TSHZ2: variants seen among roughly 807,000 people sequenced by gnomAD.
The protein encoded by TSHZ2 is teashirt homolog 2.
In TSHZ2, 21 loss-of-function variants were observed where a neutral mutation model predicts 74.4. The observed-to-expected ratio is 0.28, with a 90% CI of 0.20 to 0.41. TSHZ2 has a LOEUF of 0.41. Ranked by LOEUF, TSHZ2 falls within the 10% of genes least tolerant of loss-of-function variation. The pLI, the probability that TSHZ2 is intolerant of heterozygous loss-of-function variation, is 1.00. For synonymous variants in TSHZ2, 540 were observed against 515.3 expected, an observed-to-expected ratio of 1.05 and a Z score of -0.65; for missense variants, 1,244 against 1,293.5, an observed-to-expected ratio of 0.96 and a Z score of 0.59.
chr20:53,251,399 TC>T (rs1257169411), intron 1 of TSHZ2, among the ~76,000 whole-genome samples: 2 of 152,244 alleles, frequency 1.3e-5, no homozygotes, highest in African/African-American at 4.8e-5. Flanking sequence ...GAATGGTATA[TC>T]TATTTTTTGC....
chr20:53,247,120 G>A (rs1319897994), intron 1 of TSHZ2, among the ~76,000 whole-genome samples: 1 of 152,236 alleles, frequency 6.6e-6, no homozygotes, highest in African/African-American at 2.4e-5. Context: ...TTCAGACAGA[G>A]GAGGGAGCAA....
At chr20:53,369,712 A>T (rs751155432) in intron 2 of TSHZ2, among the ~76,000 whole-genome samples, 23 of 152,204 alleles carry the variant, frequency 1.5e-4, no homozygotes, top group Non-Finnish European at 3.1e-4. Flanking sequence ...CTCTGTCTCA[A>T]AAAAAAGAAA....
At chr20:53,463,417 AGGAAGGAAGGAAGGAAGGAGGGAGGGAG>A (rs1985451002) in intron 2 of TSHZ2, among the ~76,000 whole-genome samples, 2 of 125,780 alleles carry the variant, frequency 1.6e-5, no homozygotes, top group African/African-American at 3.2e-5. Context: ...GAAGGAAGGA[AGGAAGGAAGGAAGGAAGGAGGGAGGGAG>A]GGAAGGAAGG....
intron 1 of TSHZ2, among the ~76,000 whole-genome samples, chr20:53,020,581 A>T (rs1247939313): frequency 1.3e-5 from 2 of 152,180 alleles, no homozygotes; most frequent in East Asian, 3.9e-4. Context: ...AATACTGGTC[A>T]CATTCCAATT....
chr20:53,323,486 G>A (rs1266062844), intron 2 of TSHZ2, among the ~76,000 whole-genome samples: 1 of 147,030 alleles, frequency 6.8e-6, no homozygotes, highest in Non-Finnish European at 1.5e-5. Context: ...AAATAAATAA[G>A]TGAAAGGATG....
At chr20:53,131,644 A>C (rs1217972803) in intron 1 of TSHZ2, among the ~76,000 whole-genome samples, 2 of 152,130 alleles carry the variant, frequency 1.3e-5, no homozygotes, top group Non-Finnish European at 2.9e-5. Context: ...TTTTCTAAGA[A>C]GTATCTTTAG....
chr20:53,001,200 A>ATG (rs1600639040), intron 1 of TSHZ2, among the ~76,000 whole-genome samples: 2 of 54,376 alleles, frequency 3.7e-5, no homozygotes, highest in South Asian at 7.5e-4. Context: ...GTGTGCGTTC[A>ATG]TGTGCGTGTG....
At position 53,256,690 on chromosome 20, in the gene TSHZ2, A is replaced by C; in HGVS notation, c.*8+119A>C. On this transcript the variant is annotated intron_variant, in intron 2 of 2. Transcript: ENST00000371497. This position sits in a 1 kb window ranked among gnomAD's most constrained non-coding sequence, Gnocchi z 4.3. ...GCCAAGCAGGATAGTAGCTTGCTGG[A>C]GTAGGATTTATTTTAATGAAAGACC... The C allele has an allele frequency of 7.1e-7, 1 of 1,410,954 alleles. No homozygotes were observed. 87.4% of individuals were successfully genotyped at this position (1,410,954 alleles called of 1,614,324 possible). A position where few individuals can be genotyped will look rare whatever the true frequency, so the allele number is the denominator to read the frequency against.
intron 1 of TSHZ2, among the ~76,000 whole-genome samples, chr20:53,186,085 A>G (rs1035837091): frequency 2.0e-5 from 3 of 152,166 alleles, no homozygotes; most frequent in Admixed American, 6.5e-5. Flanking sequence ...GCTTCTCCCT[A>G]TCACACGCTC....
At position 53,489,230 on chromosome 20, in the gene TSHZ2, T is replaced by A. The variant is rs1396839165; in HGVS notation, c.*2095T>A. 2.2e-6 allele frequency: 1 copy of A among 455,224 alleles called. No homozygotes were observed. The highest frequency in any genetic ancestry group is 1.6e-5 in the South Asian group (1 of 64,514). 28.2% of individuals were successfully genotyped at this position (455,224 alleles called of 1,614,324 possible). Reference sequence around the variant, plus strand: ...AGCAAGGTGCTGATATTATTTTTTATGATGGGAGGATCATAAAGTGAATTG... The same window carrying A: ...AGCAAGGTGCTGATATTATTTTTTAAGATGGGAGGATCATAAAGTGAATTG... On this transcript the variant is annotated 3_prime_UTR_variant, in exon 3 of 3. Transcript: ENST00000371497.
intron 1 of TSHZ2, among the ~76,000 whole-genome samples, chr20:53,040,404 T>C (rs1258343504): frequency 1.3e-5 from 2 of 152,178 alleles, no homozygotes; most frequent in East Asian, 1.9e-4. Flanking sequence ...TTGTGGGCTG[T>C]GCTAAATATC....
In TSHZ2 at chr20:53,074,469, A is replaced by G. The variant is rs919223711; in HGVS notation, c.40+101136A>G. ...GATGGATGCAGTACGAAGTGTAGAAATCCAACAAATGTGTAAAAGGTAAAG... is the reference window on the plus strand; with the variant it reads ...GATGGATGCAGTACGAAGTGTAGAAGTCCAACAAATGTGTAAAAGGTAAAG... On this transcript the variant is annotated intron_variant, in intron 1 of 2. Transcript: ENST00000371497. This position sits in a 1 kb window ranked among gnomAD's most constrained non-coding sequence, Gnocchi z 5.9. 2.0e-5 allele frequency among the ~76,000 whole-genome samples: 3 copies of G among 152,210 alleles called. No homozygotes were observed. Among genetic ancestry groups the G allele is most frequent in the African/African-American group, 7.2e-5 (3 of 41,452 alleles).
chr20:53,465,157 C>T (rs942800097), intron 2 of TSHZ2, among the ~76,000 whole-genome samples: 1 of 152,154 alleles, frequency 6.6e-6, no homozygotes, highest in African/African-American at 2.4e-5. Flanking sequence ...AATTTAACCT[C>T]CCGAAACTTC....
chr20:53,044,919 C>T (rs1213363089), intron 1 of TSHZ2, among the ~76,000 whole-genome samples: 1 of 151,894 alleles, frequency 6.6e-6, no homozygotes, highest in African/African-American at 2.4e-5. Context: ...ACTTTTTTGC[C>T]CAGGCTGATC....
chr20:53,019,937 T>A (rs1334119019), intron 1 of TSHZ2, among the ~76,000 whole-genome samples: 1 of 152,190 alleles, frequency 6.6e-6, no homozygotes, highest in Non-Finnish European at 1.5e-5. Flanking sequence ...GAGGTTTAAT[T>A]GACTCACAGT....
At chr20:53,297,937 T>C (rs1393301221) in intron 2 of TSHZ2, among the ~76,000 whole-genome samples, 2 of 152,232 alleles carry the variant, frequency 1.3e-5, no homozygotes, top group African/African-American at 4.8e-5. Context: ...AAGAATTGGC[T>C]ATGAAATTGT....
intron 2 of TSHZ2, among the ~76,000 whole-genome samples, chr20:53,311,587 G>A (rs948127590): frequency 7.9e-5 from 12 of 152,206 alleles, no homozygotes; most frequent in Non-Finnish European, 1.5e-4. Flanking sequence ...CTGTGAACGT[G>A]CATCTTGATC....
chr20:53,435,396 G>A (rs1292449085), intron 2 of TSHZ2, among the ~76,000 whole-genome samples: 2 of 152,064 alleles, frequency 1.3e-5, no homozygotes, highest in East Asian at 1.9e-4. Flanking sequence ...TTTTTCCCCC[G>A]CCCCGGGTAA....
rs576795933 is a variant in TSHZ2 at position 52,987,444 on chromosome 20, ACTCTTTCTCTCTCCTCTCTCTCT to A, written c.40+14142_40+14164del. ...ATTTATATAAGTTCCCTTTTTTTAT[ACTCTTTCTCTCTCCTCTCTCTCT>A]CTCTTTCTCTCTCCTCTCTCTCTCT... On this transcript the variant is annotated intron_variant, in intron 1 of 2. Coordinates refer to ENST00000371497, the MANE Select transcript of TSHZ2 (RefSeq NM_173485.6). 3.6e-3 allele frequency among the ~76,000 whole-genome samples: 545 copies of A among 150,418 alleles called. 10 individuals are homozygous for A. Among genetic ancestry groups the A allele is most frequent in the Admixed American group, 0.022 (329 of 15,112 alleles).
Sources: allele counts gnomAD v4.1 joint callset (sites outside exome capture counted in the v4.1 genomes callset), GRCh38; gene constraint gnomAD v4.1.1; non-coding constraint Gnocchi (gnomAD v3.1); transcripts MANE v1.5; gene names NCBI Gene and HGNC (gene_info 2026-07-23, HGNC 2026-07-21).